CAMKMT: variants seen among roughly 807,000 people sequenced by gnomAD.
CAMKMT encodes the protein CaM KMT.
CAMKMT carries 53 observed loss-of-function variants against 48.0 expected under a neutral mutation model. The ratio of observed to expected loss-of-function variants is 1.10; its 90% confidence interval spans 0.89 to 1.39. The LOEUF is 1.39. CAMKMT is among the 40% of genes most tolerant of loss of function. The pLI is 0.00. For missense variants in CAMKMT, 428 were observed against 402.7 expected (o/e 1.06, Z -0.54); for synonymous variants, 165 against 152.3 (o/e 1.08, Z -0.61).
chr2:44,422,369 A>G (rs926958743), intron 3 of CAMKMT, among the ~76,000 whole-genome samples: 1 of 152,208 alleles, frequency 6.6e-6, no homozygotes, highest in Non-Finnish European at 1.5e-5. Context: ...CTAGCACATT[A>G]ATGTTGACTA....
chr2:44,593,490 T>C (rs1670445014), intron 3 of CAMKMT, among the ~76,000 whole-genome samples: 1 of 152,210 alleles, frequency 6.6e-6, no homozygotes, highest in South Asian at 2.1e-4. Context: ...TCTGGTACTC[T>C]GCAGGGCTCC....
At position 44,766,454 on chromosome 2, in the gene CAMKMT, C is replaced by G. The variant is rs201075899; in HGVS notation, c.787C>G (p.Arg263Gly). ...PRGKAMVFAP[R>G]RGNTLNQFCN... ...GGGGAAAGCGATGGTATTTGCCCCA[C>G]GCCGAGGGAATACTTTAAACCAGTT... is the stretch of plus-strand genomic sequence containing the variant. Residue 263 changes from arginine to glycine, a missense_variant, in exon 10 of 11, where the codon CGC becomes GGC. Coordinates refer to ENST00000378494, the MANE Select transcript of CAMKMT (RefSeq NM_024766.5). 23 of 1,614,014 alleles carry G rather than the reference C, an allele frequency of 1.4e-5. No homozygotes were observed. Among genetic ancestry groups the G allele is most frequent in the Non-Finnish European group, 1.9e-5 (22 of 1,180,014 alleles).
chr2:44,705,856 A>G (rs1406922388), intron 4 of CAMKMT, among the ~76,000 whole-genome samples: 1 of 152,130 alleles, frequency 6.6e-6, no homozygotes, highest in Non-Finnish European at 1.5e-5. Flanking sequence ...TAACTATAAT[A>G]TAGGTATATA....
intron 3 of CAMKMT, among the ~76,000 whole-genome samples, chr2:44,671,740 C>G (rs1675341291): frequency 6.6e-6 from 1 of 152,142 alleles, no homozygotes; most frequent in Non-Finnish European, 1.5e-5. Flanking sequence ...CTCCCCAAGC[C>G]CTTTTAATCT....
At chr2:44,400,417 G>T (rs955682061) in intron 3 of CAMKMT, among the ~76,000 whole-genome samples, 1 of 152,070 alleles carries the variant, frequency 6.6e-6, no homozygotes, top group African/African-American at 2.4e-5. Flanking sequence ...GGAATGAGCA[G>T]GGTCTTTATT....
rs191575071 is a variant in CAMKMT at position 44,417,886 on chromosome 2, A to C, written c.376+27581A>C. 1.5e-3 allele frequency among the ~76,000 whole-genome samples: 229 copies of C among 152,210 alleles called. 1 individual carries two copies. Among genetic ancestry groups the C allele is most frequent in the African/African-American group, 5.3e-3 (220 of 41,556 alleles). ...TGTCAAATGTTTTGCCCATTTTAAA[A>C]ATCAGATTGTCTTAATGAGTTGTAG... On this transcript the variant is annotated intron_variant, in intron 3 of 10. Transcript: ENST00000378494.
intron 3 of CAMKMT, among the ~76,000 whole-genome samples, chr2:44,458,742 G>C (rs1464311713): frequency 2.6e-5 from 4 of 152,138 alleles, no homozygotes; most frequent in Non-Finnish European, 5.9e-5. Flanking sequence ...AGGGAGATGA[G>C]AGAAATCGAT....
intron 3 of CAMKMT, among the ~76,000 whole-genome samples, chr2:44,529,377 G>C (rs1666344348): frequency 6.6e-6 from 1 of 152,134 alleles, no homozygotes; most frequent in Non-Finnish European, 1.5e-5. Flanking sequence ...AAAATGAAAA[G>C]CTTCCCTGTG....
At chr2:44,491,764 C>A (rs183955246) in intron 3 of CAMKMT, among the ~76,000 whole-genome samples, 5 of 152,192 alleles carry the variant, frequency 3.3e-5, no homozygotes, top group Admixed American at 3.3e-4. Flanking sequence ...ACCTATTGCA[C>A]CCCCTTAACC....
intron 7 of CAMKMT, among the ~76,000 whole-genome samples, chr2:44,743,356 AT>A (rs1679785031): frequency 6.6e-6 from 1 of 152,162 alleles, no homozygotes; most frequent in Non-Finnish European, 1.5e-5. Context: ...AAGATAAGAT[AT>A]TTTTCTCTAG....
At chr2:44,449,991 A>G (rs1208983812) in intron 3 of CAMKMT, among the ~76,000 whole-genome samples, 1 of 152,168 alleles carries the variant, frequency 6.6e-6, no homozygotes, top group African/African-American at 2.4e-5. Flanking sequence ...GATAATCCAG[A>G]GATGCTCAAG....
chr2:44,646,657 C>T (rs896810664), intron 3 of CAMKMT, among the ~76,000 whole-genome samples: 4 of 152,180 alleles, frequency 2.6e-5, no homozygotes, highest in Admixed American at 6.5e-5. Flanking sequence ...AAGAAACTTT[C>T]TACCCTTTTT....
chr2:44,643,769 T>G (rs1306586312), intron 3 of CAMKMT, among the ~76,000 whole-genome samples: 2 of 152,206 alleles, frequency 1.3e-5, no homozygotes, highest in Non-Finnish European at 2.9e-5. Flanking sequence ...TTAAATATCA[T>G]TGCAACTTTA....
intron 3 of CAMKMT, among the ~76,000 whole-genome samples, chr2:44,423,415 AG>A (rs1322859453): frequency 6.6e-6 from 1 of 152,020 alleles, no homozygotes; most frequent in African/African-American, 2.4e-5. Flanking sequence ...CCTGACCTCA[AG>A]TGATCCACCT....
chr2:44,470,528 G>C (rs1668359123), intron 3 of CAMKMT, among the ~76,000 whole-genome samples: 1 of 152,074 alleles, frequency 6.6e-6, no homozygotes, highest in South Asian at 2.1e-4. Context: ...TTTGTATTTT[G>C]TCATTCATGG....
intron 3 of CAMKMT, among the ~76,000 whole-genome samples, chr2:44,438,706 TG>T (rs949170085): frequency 6.6e-6 from 1 of 152,142 alleles, no homozygotes; most frequent in African/African-American, 2.4e-5. Flanking sequence ...TTGTTTGTTT[TG>T]TTTTTTTTGA....
At chr2:44,464,396 A>G (rs917698115) in intron 3 of CAMKMT, among the ~76,000 whole-genome samples, 3 of 152,230 alleles carry the variant, frequency 2.0e-5, no homozygotes, top group Non-Finnish European at 4.4e-5. Context: ...TAGAAGGAGA[A>G]GAGAGAATAG....
At chr2:44,730,263 A>T (rs1266670430) in intron 7 of CAMKMT, among the ~76,000 whole-genome samples, 1 of 152,118 alleles carries the variant, frequency 6.6e-6, no homozygotes, top group Non-Finnish European at 1.5e-5. Context: ...TTCATTCCCC[A>T]TCCAGATCCT....
At chr2:44,544,198 C>A (rs145988116) in intron 3 of CAMKMT, among the ~76,000 whole-genome samples, 1 of 152,096 alleles carries the variant, frequency 6.6e-6, no homozygotes, top group African/African-American at 2.4e-5. Flanking sequence ...CAATGAAATT[C>A]TTTTCCTGTG....
Sources: gnomAD v4.1 joint callset for allele counts (sites outside exome capture counted in the v4.1 genomes callset) on GRCh38, gnomAD v4.1.1 for gene constraint, MANE v1.5 for transcripts, NCBI Gene and HGNC (gene_info 2026-07-23, HGNC 2026-07-21) for gene names.